Variants in ALDH1A3 observed in about 807,000 individuals in gnomAD.
ALDH1A3 encodes aldehyde dehydrogenase 1 family member A3.
Under a neutral mutation model 57.5 loss-of-function variants are expected in ALDH1A3, and 28 were observed. The ratio of observed to expected loss-of-function variants is 0.49; its 90% confidence interval spans 0.36 to 0.67. The LOEUF (loss-of-function observed/expected upper bound fraction) is 0.67. ALDH1A3 is among the 30% of genes least tolerant of loss of function. The pLI, the probability that ALDH1A3 is intolerant of heterozygous loss-of-function variation, is 0.00. For missense variants in ALDH1A3, 507 were observed against 669.4 expected (o/e 0.76, Z 2.68); for synonymous variants, 281 against 264.8 (o/e 1.06, Z -0.59).
chr15:100,897,245 T>G (rs535890937), intron 7 of ALDH1A3, among the ~76,000 whole-genome samples: 1 of 152,222 alleles, frequency 6.6e-6, no homozygotes, highest in Non-Finnish European at 1.5e-5. Flanking sequence ...ACCTTAGCAT[T>G]GGAGAAAACA....
Position 100,893,287 on chromosome 15 carries a change from G to T in ALDH1A3, c.537+281G>T. ...TTCCCAGGAAGGTGGTCTCTTAGCTGGGCCTTAAAGATAAGAAAGACTTGT... is the reference window on the plus strand; with the variant it reads ...TTCCCAGGAAGGTGGTCTCTTAGCTTGGCCTTAAAGATAAGAAAGACTTGT... On this transcript the variant is annotated intron_variant, in intron 5 of 12. Coordinates refer to ENST00000329841, the MANE Select transcript of ALDH1A3 (RefSeq NM_000693.4). This position sits in a 1 kb window ranked among gnomAD's most constrained non-coding sequence, Gnocchi z 4.8. The T allele has an allele frequency of 2.8e-6, 1 of 356,418 alleles. No homozygotes were observed. The highest frequency in any genetic ancestry group is 4.4e-5 in the East Asian group (1 of 22,930). The allele number at this position is 356,418 out of a possible 1,614,324, so 22.1% of individuals were successfully genotyped here.
rs563774512 is a variant in ALDH1A3, at chr15:100,891,074, C to T, written c.346-1436C>T. 1.4e-4 allele frequency among the ~76,000 whole-genome samples: 22 copies of T among 152,288 alleles called. No individual in the cohort carries two copies. The South Asian group carries it at 3.1e-3, about 22-fold the overall frequency. On this transcript the variant is annotated intron_variant, in intron 3 of 12. Transcript: ENST00000329841. Reference sequence around the variant, plus strand: ...CCCAGGTGAGGATCGCCAAGCCCTTCTCTGGTGCCTAAAGGGAAGTTGATG... The same window carrying T: ...CCCAGGTGAGGATCGCCAAGCCCTTTTCTGGTGCCTAAAGGGAAGTTGATG...
intron 9 of ALDH1A3, among the ~76,000 whole-genome samples, chr15:100,904,354 T>C (rs988865714): frequency 6.6e-6 from 1 of 152,252 alleles, no homozygotes; most frequent in African/African-American, 2.4e-5. Flanking sequence ...GGTATGGATC[T>C]GAGTTAGTAT....
At chr15:100,885,661 T>TC (rs1205531824) in intron 2 of ALDH1A3, among the ~76,000 whole-genome samples, 11 of 151,740 alleles carry the variant, frequency 7.2e-5, no homozygotes, top group African/African-American at 2.2e-4. Flanking sequence ...TTTTCTTTTT[T>TC]TTTTTTTTTT....
rs1432944252 is a variant in ALDH1A3, at chr15:100,894,780, G to A, written c.666+698G>A. 2 of 152,242 alleles carry A rather than the reference G, an allele frequency of 1.3e-5. No homozygotes were observed. The highest frequency in any genetic ancestry group is 1.9e-4 in the East Asian group (1 of 5,188). The allele number at this position is 152,242 out of a possible 1,614,324, so 9.4% of individuals were successfully genotyped here. Reference sequence around the variant, plus strand: ...AAGCAAGGTGGGAACAGCTGGTGATGAGCCAATTTTCCACTTTCCTTTGGT... The same window carrying A: ...AAGCAAGGTGGGAACAGCTGGTGATAAGCCAATTTTCCACTTTCCTTTGGT... On this transcript the variant is annotated intron_variant, in intron 6 of 12. Transcript: ENST00000329841. The surrounding 1 kb of genome is among the most constrained non-coding windows in gnomAD (Gnocchi z 4.5).
chr15:100,898,268 CAACT>C, intron 8 of ALDH1A3, 83 bp downstream of exon 8: 1 of 1,229,656 alleles, frequency 8.1e-7, no homozygotes, highest in Non-Finnish European at 1.2e-6. Flanking sequence ...AATTCAAAAC[CAACT>C]GAGAGTAAGA....
chr15:100,900,746 A>G lies in ALDH1A3; in HGVS notation c.1055A>G (p.Glu352Gly). ...PVGDPFDVKT[E>G]QGPQIDQKQF... ...GGAGACCCCTTCGATGTCAAAACAG[A>G]ACAGGGGCCTCAGGTAATCCCCCTG... The change falls in exon 9 of 13, where the codon GAA becomes GGA. Residue 352 changes from glutamate to glycine, a missense_variant. Glu to Gly is a moderately conservative substitution (Grantham distance 98). This residue lies in a region of ALDH1A3 where 432 missense variants were observed against 608.4 expected (regional missense o/e 0.71). Transcript: ENST00000329841. 2.5e-6 allele frequency: 4 copies of G among 1,614,048 alleles called. No homozygotes were observed. The highest frequency in any genetic ancestry group is 2.5e-6 in the Non-Finnish European group (3 of 1,179,996).
rs765699112 is a variant in ALDH1A3, at chr15:100,887,580, G to T, written c.213G>T (p.Val71=). The change falls in exon 3 of 13, where the codon GTG becomes GTT. Residue 71 remains valine (V), a synonymous_variant. Transcript: ENST00000329841. This position sits in a 1 kb window ranked among gnomAD's most constrained non-coding sequence, Gnocchi z 4.6. ...CEVEEGDKPD[V]DKAVEAAQVA... is the part of the protein sequence containing the mutation. Reference sequence around the variant, plus strand: ...TTGTTCTGGTCGCTCAGCCCGACGTGGACAAGGCTGTGGAGGCTGCACAGG... The same window carrying T: ...TTGTTCTGGTCGCTCAGCCCGACGTTGACAAGGCTGTGGAGGCTGCACAGG... 2 of 1,601,454 alleles carry T rather than the reference G, an allele frequency of 1.2e-6. No individual in the cohort carries two copies. Among genetic ancestry groups the T allele is most frequent in the Non-Finnish European group, 1.7e-6 (2 of 1,172,800 alleles).
At chr15:100,913,104 G>A (rs1393373358) in intron 12 of ALDH1A3, 1 of 29,768 alleles carries the variant, frequency 3.4e-5, no homozygotes, top group Non-Finnish European at 7.4e-5. Flanking sequence ...CTTGCAGTGA[G>A]CCGAGATCGC....
intron 1 of ALDH1A3, among the ~76,000 whole-genome samples, chr15:100,884,567 T>TTTTG (rs1330400224): frequency 3.7e-5 from 5 of 136,260 alleles, no homozygotes; most frequent in East Asian, 2.0e-4. Context: ...TTTTCTGGGT[T>TTTTG]TTTTTTTTTT....
chr15:100,885,392 T>G, intron 2 of ALDH1A3, 21 bp downstream of exon 2: 1 of 1,549,630 alleles, frequency 6.5e-7, no homozygotes, highest in Non-Finnish European at 8.9e-7. Flanking sequence ...AAAATAAATT[T>G]GCTCTAAGTA....
rs148068301 is a variant in ALDH1A3 at position 100,887,290 on chromosome 15, C to T, written c.205-282C>T. 5.3e-5 allele frequency among the ~76,000 whole-genome samples: 8 copies of T among 150,696 alleles called. No individual in the cohort carries two copies. The highest frequency in any genetic ancestry group is 1.7e-4 in the African/African-American group (7 of 40,946). On this transcript the variant is annotated intron_variant, in intron 2 of 12. Coordinates refer to ENST00000329841, the MANE Select transcript of ALDH1A3 (RefSeq NM_000693.4). This position sits in a 1 kb window ranked among gnomAD's most constrained non-coding sequence, Gnocchi z 4.6. ...AAGATGACACCCAAACTGCAGTCAC[C>T]TCAAAAGATGACACCCAAACTGCAG...
At position 100,889,271 on chromosome 15, in the gene ALDH1A3, C is replaced by T. The variant is rs1241293598; in HGVS notation, c.345+1559C>T. On this transcript the variant is annotated intron_variant, in intron 3 of 12. Transcript: ENST00000329841. This position sits in a 1 kb window ranked among gnomAD's most constrained non-coding sequence, Gnocchi z 5.1. The stretch of plus-strand genomic sequence containing the variant: ...CCACTGTTTAAAGGAGGGTGTCAGC[C>T]AGGACACGGAAATTGCTGTTGCCCC... Among the ~76,000 whole-genome samples, 4 of 152,160 alleles carry T rather than the reference C, an allele frequency of 2.6e-5. No homozygotes were observed. Among genetic ancestry groups the T allele is most frequent in the Non-Finnish European group, 5.9e-5 (4 of 68,040 alleles).
Position 100,887,282 on chromosome 15 carries a change from G to T in ALDH1A3, c.205-290G>T, listed in dbSNP as rs2041604495. Among the ~76,000 whole-genome samples, 1 of 151,496 alleles carries T rather than the reference G, an allele frequency of 6.6e-6. No homozygotes were observed. The highest frequency in any genetic ancestry group is 2.4e-5 in the African/African-American group (1 of 41,160). ...CACGTCAAAAGATGACACCCAAACT[G>T]CAGTCACCTCAAAAGATGACACCCA... On this transcript the variant is annotated intron_variant, in intron 2 of 12. Coordinates refer to ENST00000329841, the MANE Select transcript of ALDH1A3 (RefSeq NM_000693.4). This position sits in a 1 kb window ranked among gnomAD's most constrained non-coding sequence, Gnocchi z 4.6.
chr15:100,882,249 C>G (rs1418323726), intron 1 of ALDH1A3, among the ~76,000 whole-genome samples: 1 of 152,216 alleles, frequency 6.6e-6, no homozygotes, highest in Non-Finnish European at 1.5e-5. Context: ...GTCAAAGCCC[C>G]TTCATTTGTC....
At chr15:100,898,907 A>G (rs2041739151) in intron 8 of ALDH1A3, among the ~76,000 whole-genome samples, 1 of 152,178 alleles carries the variant, frequency 6.6e-6, no homozygotes, top group African/African-American at 2.4e-5. Flanking sequence ...AAAAGGTGTG[A>G]CTTCCCAAGT....
At chr15:100,886,571 G>A (rs1028000133) in intron 2 of ALDH1A3, among the ~76,000 whole-genome samples, 4 of 152,088 alleles carry the variant, frequency 2.6e-5, no homozygotes, top group Admixed American at 6.6e-5. Flanking sequence ...ACAGAGACTC[G>A]GTAGAGTCAC....
chr15:100,902,166 C>G (rs938331767), intron 9 of ALDH1A3, among the ~76,000 whole-genome samples: 8 of 152,184 alleles, frequency 5.3e-5, no homozygotes, highest in Non-Finnish European at 1.2e-4. Flanking sequence ...ATTTGTAAGT[C>G]TCTTTCTGTG....
intron 9 of ALDH1A3, 117 bp downstream of exon 9, chr15:100,900,876 C>A: frequency 8.7e-7 from 1 of 1,149,168 alleles, no homozygotes; most frequent in Non-Finnish European, 1.2e-6. Flanking sequence ...CTGTCCTGCC[C>A]AGGAGGCTTT....
Sources: gnomAD v4.1 joint callset for allele counts (sites outside exome capture counted in the v4.1 genomes callset) on GRCh38, gnomAD v4.1.1 for gene constraint, gnomAD v4.1.1 regional missense constraint, Gnocchi (gnomAD v3.1) non-coding constraint, MANE v1.5 for transcripts, NCBI Gene and HGNC (gene_info 2026-07-23, HGNC 2026-07-21) for gene names.